Variants in ARHGAP10 observed in about 807,000 individuals in gnomAD.
The protein encoded by ARHGAP10 is rho GTPase-activating protein 10.
ARHGAP10 carries 87 observed loss-of-function variants against 108.6 expected under a neutral mutation model. The observed-to-expected ratio is 0.80, with a 90% CI of 0.67 to 0.96. ARHGAP10 has a LOEUF of 0.96. Among genes scored for constraint, ARHGAP10 ranks in the 40% least tolerant of loss-of-function variants. ARHGAP10 has a pLI of 0.00. For missense variants in ARHGAP10, 939 were observed against 954.5 expected, an observed-to-expected ratio of 0.98 and a Z score of 0.21; for synonymous variants, 347 against 341.1, an observed-to-expected ratio of 1.02 and a Z score of -0.19.
rs528415937 is a variant in ARHGAP10, at chr4:148,020,382, G to A, written c.1717-2881G>A. Among the ~76,000 whole-genome samples the A allele has an allele frequency of 2.6e-5, 4 of 152,066 alleles. No homozygotes were observed. In the East Asian group the frequency reaches 5.8e-4, roughly 22 times the overall value. On this transcript the variant is annotated intron_variant, in intron 18 of 22. Transcript: ENST00000336498. ...CGTGTGGCATGCTGGTTTGCTGCAC[G>A]TATCAACCCATCACCTAGGTATTAA...
At chr4:147,969,712 A>G (rs1463358337) in intron 18 of ARHGAP10, among the ~76,000 whole-genome samples, 1 of 152,166 alleles carries the variant, frequency 6.6e-6, no homozygotes, top group African/African-American at 2.4e-5. Context: ...CACCTTGTTA[A>G]TAAATCTTAC....
chr4:148,051,773 T>C (rs1372483584), intron 20 of ARHGAP10, among the ~76,000 whole-genome samples: 4 of 152,264 alleles, frequency 2.6e-5, no homozygotes, highest in Non-Finnish European at 5.9e-5. Flanking sequence ...CTACTCAGAC[T>C]TGATGTCAGT....
chr4:147,926,857 C>T (rs921985643), intron 13 of ARHGAP10, among the ~76,000 whole-genome samples: 1 of 152,146 alleles, frequency 6.6e-6, no homozygotes, highest in African/African-American at 2.4e-5. Context: ...GAACAAGAAA[C>T]AACCATTGGG....
intron 16 of ARHGAP10, among the ~76,000 whole-genome samples, chr4:147,964,039 T>A (rs1383505280): frequency 6.6e-6 from 1 of 152,246 alleles, no homozygotes; most frequent in East Asian, 1.9e-4. Flanking sequence ...TTTATTCTGA[T>A]GTTTTGACAT....
chr4:147,886,081 A>G (rs1735541977), intron 10 of ARHGAP10, among the ~76,000 whole-genome samples: 1 of 152,214 alleles, frequency 6.6e-6, no homozygotes, highest in Non-Finnish European at 1.5e-5. Context: ...TAAGGGGTAT[A>G]TGAAACGTAC....
intron 19 of ARHGAP10, among the ~76,000 whole-genome samples, chr4:148,030,047 T>C (rs1728071073): frequency 6.7e-6 from 1 of 149,764 alleles, no homozygotes; most frequent in Non-Finnish European, 1.5e-5. Context: ...CAACTTCTTC[T>C]ATTGCTTCCT....
chr4:147,793,200 G>A (rs1189835890), intron 1 of ARHGAP10, among the ~76,000 whole-genome samples: 5 of 151,452 alleles, frequency 3.3e-5, no homozygotes, highest in South Asian at 2.1e-4. Context: ...GTGTGTGTGT[G>A]TATATGTGTG....
At chr4:147,834,135 T>C (rs974762787) in intron 3 of ARHGAP10, among the ~76,000 whole-genome samples, 2 of 152,230 alleles carry the variant, frequency 1.3e-5, no homozygotes, top group African/African-American at 4.8e-5. Flanking sequence ...TTTTTCTTTC[T>C]ATAAAGTCAC....
At chr4:147,918,191 A>G (rs1009457285) in intron 13 of ARHGAP10, among the ~76,000 whole-genome samples, 2 of 138,402 alleles carry the variant, frequency 1.4e-5, no homozygotes, top group Non-Finnish European at 1.5e-5. Flanking sequence ...GCTGGAGTGC[A>G]GTGGCTTGAT....
intron 18 of ARHGAP10, among the ~76,000 whole-genome samples, chr4:147,983,427 C>T (rs1435899062): frequency 3.3e-5 from 5 of 152,068 alleles, no homozygotes; most frequent in African/African-American, 9.7e-5. Flanking sequence ...GCTCGTGATC[C>T]GCCCGCCTCC....
intron 1 of ARHGAP10, among the ~76,000 whole-genome samples, chr4:147,747,682 T>C (rs929058911): frequency 3.3e-5 from 5 of 152,188 alleles, no homozygotes; most frequent in African/African-American, 7.2e-5. Flanking sequence ...TAAAAATTAA[T>C]CTGAACTTTT....
At chr4:147,796,339 A>C (rs1731315640) in intron 1 of ARHGAP10, among the ~76,000 whole-genome samples, 1 of 152,034 alleles carries the variant, frequency 6.6e-6, no homozygotes, top group African/African-American at 2.4e-5. Context: ...CATTGTGGTA[A>C]AATATATTTA....
chr4:147,733,439 T>C (rs1210708163), intron 1 of ARHGAP10, among the ~76,000 whole-genome samples: 3 of 152,122 alleles, frequency 2.0e-5, no homozygotes, highest in Non-Finnish European at 2.9e-5. Context: ...AAAAGACCTG[T>C]CCATACAGCA....
At chr4:147,921,301 C>T (rs561673474) in intron 13 of ARHGAP10, among the ~76,000 whole-genome samples, 7 of 152,284 alleles carry the variant, frequency 4.6e-5, no homozygotes, top group Admixed American at 3.3e-4. Context: ...GATCTCATAA[C>T]GTATATCAGG....
chr4:147,990,319 C>T (rs917284603), intron 18 of ARHGAP10, among the ~76,000 whole-genome samples: 2 of 152,224 alleles, frequency 1.3e-5, no homozygotes, highest in African/African-American at 4.8e-5. Flanking sequence ...TCCTACCTAA[C>T]TAAACATTTT....
intron 1 of ARHGAP10, among the ~76,000 whole-genome samples, chr4:147,773,720 T>C (rs1730169941): frequency 6.6e-6 from 1 of 152,212 alleles, no homozygotes; most frequent in African/African-American, 2.4e-5. Context: ...AGTGGAATGA[T>C]AGGGAATCCC....
At chr4:147,888,581 G>C (rs771111801) in intron 10 of ARHGAP10, among the ~76,000 whole-genome samples, 2 of 152,074 alleles carry the variant, frequency 1.3e-5, no homozygotes, top group African/African-American at 2.4e-5. Context: ...TGGTTAACTT[G>C]GAAAATAATT....
At chr4:148,053,481 C>A (rs1560894524) in intron 20 of ARHGAP10, among the ~76,000 whole-genome samples, 1 of 152,114 alleles carries the variant, frequency 6.6e-6, no homozygotes, top group Non-Finnish European at 1.5e-5. Flanking sequence ...GAGATGCGGG[C>A]GGGAGGGCCT....
chr4:147,883,125 G>A (rs1258258534), intron 10 of ARHGAP10, among the ~76,000 whole-genome samples: 1 of 152,216 alleles, frequency 6.6e-6, no homozygotes, highest in Non-Finnish European at 1.5e-5. Context: ...ACCATTTATT[G>A]TACATAAAAA....
Sources: gnomAD v4.1 joint callset for allele counts (sites outside exome capture counted in the v4.1 genomes callset) on GRCh38, gnomAD v4.1.1 for gene constraint, MANE v1.5 for transcripts, NCBI Gene and HGNC (gene_info 2026-07-23, HGNC 2026-07-21) for gene names.